The following DLGAP2 variants were observed in gnomAD, a reference collection of about 807,000 sequenced individuals.
DLGAP2 encodes the protein DLG associated protein 2.
In DLGAP2, 26 loss-of-function variants were observed where a neutral mutation model predicts 100.3. The ratio of observed to expected loss-of-function variants is 0.26; its 90% confidence interval spans 0.19 to 0.36. The LOEUF (loss-of-function observed/expected upper bound fraction) is 0.36. DLGAP2 is among the 10% of genes least tolerant of loss of function. The pLI, the probability that DLGAP2 is intolerant of heterozygous loss-of-function variation, is 1.00. For synonymous variants in DLGAP2, 886 were observed against 630.1 expected, an observed-to-expected ratio of 1.41 and a Z score of -6.08; for missense variants, 1,858 against 1,453.2, an observed-to-expected ratio of 1.28 and a Z score of -4.53.
intron 2 of DLGAP2, among the ~76,000 whole-genome samples, chr8:966,064 G>A (rs911053170): frequency 2.6e-5 from 4 of 152,192 alleles, no homozygotes; most frequent in Admixed American, 6.5e-5. Context: ...CTTGAGGGAC[G>A]ATCACAGCTT....
Position 1,557,371 on chromosome 8 carries a change from G to A in DLGAP2, c.1230+7688G>A, listed in dbSNP as rs371423847. On this transcript the variant is annotated intron_variant, in intron 5 of 14. Transcript: ENST00000637795. The stretch of plus-strand genomic sequence containing the variant: ...CCTCAGGGTCCCGGAAAGAGCCCCT[G>A]GTGAGATGGACGTGCCGATGGCCAC... Among the ~76,000 whole-genome samples the A allele has an allele frequency of 4.6e-4, 70 of 152,272 alleles. No homozygotes were observed. In the South Asian group the frequency reaches 0.011, roughly 25 times the overall value.
chr8:1,241,235 AGTTCTGTC>A (rs1563274556), intron 2 of DLGAP2, among the ~76,000 whole-genome samples: 35 of 84,210 alleles, frequency 4.2e-4, no homozygotes, highest in African/African-American at 1.2e-3. Context: ...CGCCGTGTCT[AGTTCTGTC>A]ACATGGAACC....
chr8:1,234,049 GA>G (rs1447737759), intron 2 of DLGAP2, among the ~76,000 whole-genome samples: 1 of 152,166 alleles, frequency 6.6e-6, no homozygotes, highest in African/African-American at 2.4e-5. Context: ...AGGCCCAGGT[GA>G]ATACCTAACA....
chr8:1,227,501 CTT>C (rs200323661), intron 2 of DLGAP2, among the ~76,000 whole-genome samples: 10 of 143,604 alleles, frequency 7.0e-5, no homozygotes, highest in Admixed American at 7.0e-5. Context: ...CTTTTCTTTT[CTT>C]TTTTTTTTTT....
chr8:1,060,078 C>G (rs556546501), intron 2 of DLGAP2, among the ~76,000 whole-genome samples: 15 of 152,240 alleles, frequency 9.9e-5, no homozygotes, highest in African/African-American at 1.4e-4. Flanking sequence ...CAAGTTCCTC[C>G]ACAGGGTCAG....
At chr8:1,563,829 G>A (rs541773908) in intron 5 of DLGAP2, among the ~76,000 whole-genome samples, 30 of 152,256 alleles carry the variant, frequency 2.0e-4, no homozygotes, top group Admixed American at 1.9e-3. Context: ...ATCCCTGCTG[G>A]TAGTGCTGTC....
rs372445462 is a variant in DLGAP2 at position 949,045 on chromosome 8, G to T, written c.73+41079G>T. On this transcript the variant is annotated intron_variant, in intron 2 of 14. Coordinates refer to ENST00000637795, the MANE Select transcript of DLGAP2 (RefSeq NM_001346810.2). ...GCCGCCATCTTGAGGGGACGCCAGG[G>T]TGGGAGCAGGGCCCGTGGGCGTGAC... is the stretch of plus-strand genomic sequence containing the variant. 2.8e-3 allele frequency among the ~76,000 whole-genome samples: 429 copies of T among 152,356 alleles called. 2 individuals are homozygous for T. Among genetic ancestry groups the T allele is most frequent in the African/African-American group, 9.7e-3 (404 of 41,586 alleles).
chr8:1,649,828 G>A (rs891196980), intron 8 of DLGAP2, among the ~76,000 whole-genome samples: 12 of 152,118 alleles, frequency 7.9e-5, no homozygotes, highest in African/African-American at 2.4e-4. Context: ...GGGAATATTT[G>A]TATCTCTATT....
rs1291691014 is a variant in DLGAP2 at position 795,819 on chromosome 8, G to A, written c.18+57994G>A. 2.1e-5 allele frequency among the ~76,000 whole-genome samples: 3 copies of A among 140,962 alleles called. 1 individual carries two copies. The highest frequency in any genetic ancestry group is 1.5e-5 in the Non-Finnish European group (1 of 65,286). The allele number at this position is 140,962 out of a possible 152,430, so 92.5% of individuals were successfully genotyped here. On this transcript the variant is annotated intron_variant, in intron 1 of 14. Coordinates refer to ENST00000637795, the MANE Select transcript of DLGAP2 (RefSeq NM_001346810.2). Reference sequence around the variant, plus strand: ...GAGAACAGGCGTCCGGTGAGAGCAGGCGTCCGGTGAGAGCAGCTGTCCGGT... The same window carrying A: ...GAGAACAGGCGTCCGGTGAGAGCAGACGTCCGGTGAGAGCAGCTGTCCGGT...
chr8:852,005 C>T (rs1797191229), intron 1 of DLGAP2, among the ~76,000 whole-genome samples: 1 of 152,222 alleles, frequency 6.6e-6, no homozygotes, highest in Admixed American at 6.5e-5. Context: ...GGTCCTGGGA[C>T]TCAGCCCCTA....
In DLGAP2 at chr8:1,678,294, T is replaced by C. The variant is rs772428990; in HGVS notation, c.2369T>C (p.Ile790Thr). 14 of 1,613,778 alleles carry C rather than the reference T, an allele frequency of 8.7e-6. No homozygotes were observed. Among genetic ancestry groups the C allele is most frequent in the Admixed American group, 6.7e-5 (4 of 60,002 alleles). Residue 790 changes from isoleucine (I) to threonine (T), a missense_variant, in exon 12 of 15, where the codon ATC becomes ACC. By Grantham distance (89) the Ile-to-Thr change is moderately conservative (BLOSUM62 -1). Transcript: ENST00000637795. Reference protein sequence around the residue: ...DLELEGFPGHITTEDKGLQFG... With the variant: ...DLELEGFPGHTTTEDKGLQFG... Reference sequence around the variant, plus strand: ...GAGCTGGAGGGGTTCCCAGGCCACATCACCACGGAGGACAAAGGCCTTCAG... The same window carrying C: ...GAGCTGGAGGGGTTCCCAGGCCACACCACCACGGAGGACAAAGGCCTTCAG...
chr8:1,437,925 G>C (rs968834120), intron 3 of DLGAP2, among the ~76,000 whole-genome samples: 1 of 151,930 alleles, frequency 6.6e-6, no homozygotes, highest in African/African-American at 2.4e-5. Context: ...GATGGAGGTT[G>C]CAGTGAACCG....
At chr8:1,078,631 A>G (rs931585030) in intron 2 of DLGAP2, among the ~76,000 whole-genome samples, 4 of 152,180 alleles carry the variant, frequency 2.6e-5, no homozygotes, top group Admixed American at 2.0e-4. Context: ...TTTCTTTTCC[A>G]GAATGTCATA....
At chr8:1,255,712 C>G (rs1207805498) in intron 2 of DLGAP2, among the ~76,000 whole-genome samples, 3 of 136,362 alleles carry the variant, frequency 2.2e-5, no homozygotes, top group African/African-American at 8.4e-5. Context: ...TGCCTGGGAG[C>G]TGTGTGTGTG....
At chr8:1,172,537 T>G (rs1014660151) in intron 2 of DLGAP2, among the ~76,000 whole-genome samples, 21 of 152,250 alleles carry the variant, frequency 1.4e-4, no homozygotes, top group African/African-American at 4.8e-4. Flanking sequence ...GACGTAGATT[T>G]GGTCTTTTCA....
intron 3 of DLGAP2, among the ~76,000 whole-genome samples, chr8:1,408,718 G>T (rs530707737): frequency 6.6e-6 from 1 of 152,204 alleles, no homozygotes; most frequent in South Asian, 2.1e-4. Context: ...AGTGCAGAGG[G>T]TTTTCTGGTG....
In DLGAP2 at chr8:1,007,637, G is replaced by T. The variant is rs71528632; in HGVS notation, c.73+99671G>T. Among the ~76,000 whole-genome samples, 27 of 131,122 alleles carry T rather than the reference G, an allele frequency of 2.1e-4. 1 individual carries two copies. The highest frequency in any genetic ancestry group is 9.6e-4 in the South Asian group (4 of 4,150). The allele number at this position is 131,122 out of a possible 152,430, so 86.0% of individuals were successfully genotyped here. A position where few individuals can be genotyped will look rare whatever the true frequency, so the allele number is the denominator to read the frequency against. ...TCTCTATGGGTAGTTTTTTTTTTTG[G>T]GGGGGGGATCTTCTGTGAGTCAACT... On this transcript the variant is annotated intron_variant, in intron 2 of 14. Coordinates refer to ENST00000637795, the MANE Select transcript of DLGAP2 (RefSeq NM_001346810.2).
Position 1,408,521 on chromosome 8 carries a change from G to C in DLGAP2, c.107-92845G>C, listed in dbSNP as rs375688544. On this transcript the variant is annotated intron_variant, in intron 3 of 14. Transcript: ENST00000637795. ...ACCTTCTCTGGGCCTTGGATGATGA[G>C]GGTGCTGCTCTCCACTGGGACTCCA... 2.4e-4 allele frequency among the ~76,000 whole-genome samples: 37 copies of C among 152,328 alleles called. No homozygotes were observed. The South Asian group carries it at 3.5e-3, about 15-fold the overall frequency.
At chr8:1,631,275 T>C (rs929187474) in intron 7 of DLGAP2, among the ~76,000 whole-genome samples, 4 of 152,006 alleles carry the variant, frequency 2.6e-5, no homozygotes, top group Non-Finnish European at 4.4e-5. Context: ...TGGTGTCTCT[T>C]CTTTAGGAGC....
Sources: allele counts gnomAD v4.1 joint callset (sites outside exome capture counted in the v4.1 genomes callset), GRCh38; gene constraint gnomAD v4.1.1; transcripts MANE v1.5; gene names NCBI Gene and HGNC (gene_info 2026-07-23, HGNC 2026-07-21).